The following RAB27B variants were observed in gnomAD, a reference collection of about 807,000 sequenced individuals.
The protein encoded by RAB27B is ras-related protein Rab-27B.
RAB27B carries 15 observed loss-of-function variants against 24.6 expected under a neutral mutation model. The ratio of observed to expected loss-of-function variants is 0.61; its 90% CI spans 0.41 to 0.94. The LOEUF is 0.94. Among genes scored for constraint, RAB27B ranks in the 40% least tolerant of loss-of-function variants. The pLI, the probability that RAB27B is intolerant of heterozygous loss-of-function variation, is 0.00. For synonymous variants in RAB27B, 105 were observed against 92.5 expected, an observed-to-expected ratio of 1.14 and a Z score of -0.78; for missense variants, 261 against 266.8, an observed-to-expected ratio of 0.98 and a Z score of 0.15.
At chr18:54,791,613 C>T (rs1909248353) in intron 2 of RAB27B, among the ~76,000 whole-genome samples, 1 of 152,156 alleles carries the variant, frequency 6.6e-6, no homozygotes, top group East Asian at 1.9e-4. Context: ...GGTTCCACCT[C>T]CACGGACCTA....
At chr18:54,885,220 C>G (rs1239816902) in intron 4 of RAB27B, among the ~76,000 whole-genome samples, 1 of 152,154 alleles carries the variant, frequency 6.6e-6, no homozygotes, top group East Asian at 1.9e-4. Context: ...AGTAGCAGGA[C>G]AGCTGAGTCG....
At chr18:54,796,115 G>A (rs1210688818) in intron 2 of RAB27B, among the ~76,000 whole-genome samples, 1 of 152,162 alleles carries the variant, frequency 6.6e-6, no homozygotes, top group African/African-American at 2.4e-5. Context: ...CTTGCAAGAT[G>A]TGTGACAGGG....
intron 2 of RAB27B, among the ~76,000 whole-genome samples, chr18:54,739,780 G>A (rs537071251): frequency 8.6e-5 from 13 of 152,042 alleles, no homozygotes; most frequent in African/African-American, 2.6e-4. Flanking sequence ...TCAGCATTTC[G>A]TATTCTTAAT....
chr18:54,729,800 T>TA (rs1387055136), intron 2 of RAB27B, among the ~76,000 whole-genome samples: 1 of 152,054 alleles, frequency 6.6e-6, no homozygotes, highest in Non-Finnish European at 1.5e-5. Context: ...ACTTTAGATT[T>TA]AAAAAAATAA....
intron 2 of RAB27B, among the ~76,000 whole-genome samples, chr18:54,773,605 A>G (rs1908621835): frequency 6.6e-6 from 1 of 152,244 alleles, no homozygotes; most frequent in South Asian, 2.1e-4. Flanking sequence ...AATAAGAAGG[A>G]TTCTTTGCCA....
chr18:54,740,667 C>A (rs1910043577), intron 2 of RAB27B, among the ~76,000 whole-genome samples: 1 of 152,150 alleles, frequency 6.6e-6, no homozygotes, highest in African/African-American at 2.4e-5. Flanking sequence ...TTAGTTAGAT[C>A]TAGGTATACA....
chr18:54,843,141 GTAAA>G (rs1351657473), intron 1 of RAB27B, among the ~76,000 whole-genome samples: 2 of 152,092 alleles, frequency 1.3e-5, no homozygotes, highest in Non-Finnish European at 2.9e-5. Context: ...CTTCTATAAA[GTAAA>G]TCACTGTCTT....
intron 1 of RAB27B, among the ~76,000 whole-genome samples, chr18:54,871,569 G>A (rs1912464854): frequency 6.6e-6 from 1 of 152,126 alleles, no homozygotes; most frequent in Admixed American, 6.5e-5. Context: ...TACCTTATCT[G>A]CCTAATATTT....
rs1436954218 is a variant in RAB27B at position 54,893,061 on chromosome 18, G to A, written c.*3648G>A. 2 of 152,070 alleles carry A rather than the reference G, an allele frequency of 1.3e-5. No homozygotes were observed. The highest frequency in any genetic ancestry group is 2.9e-5 in the Non-Finnish European group (2 of 67,954). 9.4% of individuals were successfully genotyped at this position (152,070 alleles called of 1,614,324 possible). ...GTCTGTCTCTTCACCAGTGGAGTGA[G>A]TGCAGCAGTTAGAAAGAGAAGCAAT... On this transcript the variant is annotated 3_prime_UTR_variant, in exon 6 of 6. Transcript: ENST00000262094.
At chr18:54,885,523 C>T (rs910967321) in intron 4 of RAB27B, among the ~76,000 whole-genome samples, 3 of 152,070 alleles carry the variant, frequency 2.0e-5, no homozygotes, top group African/African-American at 7.2e-5. Context: ...TCTTTTTTCT[C>T]TTCTCTCATT....
chr18:54,787,413 G>T (rs1909121559), intron 2 of RAB27B, among the ~76,000 whole-genome samples: 1 of 152,132 alleles, frequency 6.6e-6, no homozygotes, highest in Non-Finnish European at 1.5e-5. Flanking sequence ...AAAGGGGAAG[G>T]AGCTCTGAGT....
chr18:54,751,572 C>A lies in RAB27B; in HGVS notation c.-20+33431C>A, dbSNP rs145267600. ...AAACTCTTTTGAGTTTTATTTTGGA[C>A]ACAATGAATTTAGGAAGTCATTGGA... On this transcript the variant is annotated intron_variant, in intron 2 of 4. Coordinates refer to the RAB27B transcript ENST00000586570. 6.5e-3 allele frequency among the ~76,000 whole-genome samples: 983 copies of A among 152,116 alleles called. 13 individuals carry two copies. The highest frequency in any genetic ancestry group is 0.022 in the African/African-American group (933 of 41,478).
At chr18:54,794,663 T>G (rs975679084) in intron 2 of RAB27B, among the ~76,000 whole-genome samples, 1 of 152,200 alleles carries the variant, frequency 6.6e-6, no homozygotes, top group Non-Finnish European at 1.5e-5. Context: ...TAAAAAATCT[T>G]AATTCCCAGC....
intron 1 of RAB27B, among the ~76,000 whole-genome samples, chr18:54,831,523 G>A (rs1456423581): frequency 1.3e-5 from 2 of 152,134 alleles, no homozygotes; most frequent in African/African-American, 2.4e-5. Flanking sequence ...TATTTACTGA[G>A]CATACTATGA....
chr18:54,742,450 G>A (rs1416103458), intron 2 of RAB27B, among the ~76,000 whole-genome samples: 1 of 152,172 alleles, frequency 6.6e-6, no homozygotes, highest in Non-Finnish European at 1.5e-5. Flanking sequence ...AAGGCAGGAG[G>A]AAGTTGGGGT....
intron 1 of RAB27B, among the ~76,000 whole-genome samples, chr18:54,837,680 AT>A (rs994031215): frequency 1.3e-5 from 2 of 151,850 alleles, no homozygotes; most frequent in African/African-American, 2.4e-5. Flanking sequence ...AGGAATAATT[AT>A]TTTCTTTATT....
At chr18:54,729,015 T>C (rs1040398206) in intron 2 of RAB27B, among the ~76,000 whole-genome samples, 1 of 148,814 alleles carries the variant, frequency 6.7e-6, no homozygotes, top group African/African-American at 2.5e-5. Context: ...ACATGGGCTA[T>C]TTTTCACCTC....
At chr18:54,729,042 A>G (rs542280358) in intron 2 of RAB27B, among the ~76,000 whole-genome samples, 36 of 151,964 alleles carry the variant, frequency 2.4e-4, no homozygotes, top group Admixed American at 2.3e-3. Context: ...TCATTATAAC[A>G]TATAAAACTA....
intron 2 of RAB27B, among the ~76,000 whole-genome samples, chr18:54,878,673 C>A (rs142770307): frequency 6.6e-6 from 1 of 152,022 alleles, no homozygotes; most frequent in Non-Finnish European, 1.5e-5. Flanking sequence ...CCCTTTAAAA[C>A]GTATTCACTA....
Sources: allele counts gnomAD v4.1 joint callset (sites outside exome capture counted in the v4.1 genomes callset), GRCh38; gene constraint gnomAD v4.1.1; transcripts MANE v1.5; gene names NCBI Gene and HGNC (gene_info 2026-07-23, HGNC 2026-07-21).